GCN1: variants seen among roughly 807,000 people sequenced by gnomAD.
The protein encoded by GCN1 is stalled ribosome sensor GCN1.
A neutral mutation model predicts 288.4 loss-of-function variants in GCN1; 90 were observed. That is an observed-to-expected ratio of 0.31 (90% confidence interval 0.26 to 0.37). The LOEUF (loss-of-function observed/expected upper bound fraction) is 0.37. GCN1 is among the 10% of genes least tolerant of loss of function. GCN1 has a pLI of 1.00. For missense variants in GCN1, 2,586 were observed against 3,419.9 expected (o/e 0.76, Z 6.08); for synonymous variants, 1,386 against 1,420.2 (o/e 0.98, Z 0.54).
At position 120,171,648 on chromosome 12, in the gene GCN1, G is replaced by A. The variant is rs181192194; in HGVS notation, c.1367-1327C>T. Among the ~76,000 whole-genome samples, 87 of 152,132 alleles carry A rather than the reference G, an allele frequency of 5.7e-4. 1 individual carries two copies. The South Asian group carries it at 0.017, about 29-fold the overall frequency. The stretch of plus-strand genomic sequence containing the variant: ...ATCTTTATTACAGAGGTTTATTTTC[G>A]TTTTGTTTTTAAAAGGTTTATTTTA... On this transcript the variant is annotated intron_variant, in intron 14 of 57. Coordinates refer to ENST00000300648, the MANE Select transcript of GCN1 (RefSeq NM_006836.2).
intron 51 of GCN1, among the ~76,000 whole-genome samples, chr12:120,136,053 A>C (rs534929428): frequency 5.2e-4 from 79 of 152,256 alleles, no homozygotes; most frequent in Non-Finnish European, 8.8e-4. Context: ...ACAAAAAAAA[A>C]CAAAAACTGC....
At position 120,158,733 on chromosome 12, in the gene GCN1, C is replaced by CAGCACCAAATCCAAGA; in HGVS notation, c.2750-119_2750-118insTCTTGGATTTGGTGCT. ...CTGACTTAAAAAAATATTTCTGCGGCTGGGCGCGGTGGCTGATGCCTGTAA... is the reference window on the plus strand; with the variant it reads ...CTGACTTAAAAAAATATTTCTGCGGCAGCACCAAATCCAAGATGGGCGCGGTGGCTGATGCCTGTAA... On this transcript the variant is annotated intron_variant, in intron 24 of 57. Transcript: ENST00000300648. The surrounding 1 kb of genome is among the most constrained non-coding windows in gnomAD (Gnocchi z 4.3). 1 of 908,570 alleles carries CAGCACCAAATCCAAGA rather than the reference C, an allele frequency of 1.1e-6. No individual in the cohort carries two copies. Among genetic ancestry groups the CAGCACCAAATCCAAGA allele is most frequent in the Non-Finnish European group, 1.6e-6 (1 of 611,322 alleles). The allele number at this position is 908,570 out of a possible 1,614,324, so 56.3% of individuals were successfully genotyped here. A position where few individuals can be genotyped will look rare whatever the true frequency, so the allele number is the denominator to read the frequency against.
chr12:120,143,574 T>C (rs1877265343), intron 42 of GCN1, among the ~76,000 whole-genome samples: 1 of 139,916 alleles, frequency 7.1e-6, no homozygotes, highest in African/African-American at 2.7e-5. Flanking sequence ...AGAGCGAGAC[T>C]CCGTCTCAAA....
intron 5 of GCN1, among the ~76,000 whole-genome samples, chr12:120,180,398 C>G (rs1448366201): frequency 6.6e-6 from 1 of 151,828 alleles, no homozygotes; most frequent in Non-Finnish European, 1.5e-5. Context: ...AGGCGGATCA[C>G]AAGGTCAAGA....
intron 22 of GCN1, among the ~76,000 whole-genome samples, chr12:120,160,602 C>T (rs1215583627): frequency 1.3e-5 from 2 of 152,222 alleles, no homozygotes; most frequent in Non-Finnish European, 2.9e-5. Flanking sequence ...TCCTCCTCTC[C>T]AACCCCTTCC....
At chr12:120,182,646 T>G (rs1371872342) in intron 5 of GCN1, among the ~76,000 whole-genome samples, 1 of 152,102 alleles carries the variant, frequency 6.6e-6, no homozygotes, top group African/African-American at 2.4e-5. Context: ...TGGACAAGAA[T>G]CAGATCCAAG....
Position 120,158,014 on chromosome 12 carries a change from G to A in GCN1, c.2922C>T (p.Ser974=), listed in dbSNP as rs376436436. 4.4e-5 allele frequency: 71 copies of A among 1,613,760 alleles called. No individual in the cohort carries two copies. Among genetic ancestry groups the A allele is most frequent in the Non-Finnish European group, 5.2e-5 (61 of 1,180,034 alleles). Residue 974 remains serine, a synonymous_variant, in exon 26 of 58, where the codon TCC becomes TCT. Coordinates refer to ENST00000300648, the MANE Select transcript of GCN1 (RefSeq NM_006836.2). This position sits in a 1 kb window ranked among gnomAD's most constrained non-coding sequence, Gnocchi z 4.3. The part of the protein sequence containing the change: ...GKGEPGAAPL[S]APAFSLVFPF... ...GGAAGACTAAGGAGAAGGCTGGCGC[G>A]GACAAGGGCGCAGCACCTGTGAGAG...
At chr12:120,175,002 C>G (rs914795659) in intron 12 of GCN1, among the ~76,000 whole-genome samples, 160 bp downstream of exon 12, 1 of 150,916 alleles carries the variant, frequency 6.6e-6, no homozygotes, top group Non-Finnish European at 1.5e-5. Flanking sequence ...TGGTGTGCAC[C>G]AGTAATCCCA....
Position 120,173,669 on chromosome 12 carries a change from C to G in GCN1, c.1350G>C (p.Met450Ile), listed in dbSNP as rs182969538. ...TTGTCTTACCCCGGTAAGAGGCCAA[C>G]ATGCACTGCAGGTAGGCATGCCTCA... ...SAVRHAYLQCMLASYRGDTLL... is the reference protein window; with the variant it reads ...SAVRHAYLQCILASYRGDTLL... The change falls in exon 14 of 58, where the codon ATG (methionine) becomes ATC (isoleucine). Residue 450 changes from methionine to isoleucine, a missense_variant. Around this residue, in one of 8 missense-constraint regions of GCN1, gnomAD observed 913 missense variants for 1,107.0 expected, o/e 0.82. Coordinates refer to ENST00000300648, the MANE Select transcript of GCN1 (RefSeq NM_006836.2). The G allele has an allele frequency of 1.7e-4, 266 of 1,610,010 alleles. 1 individual carries two copies. In the African/African-American group the frequency reaches 3.2e-3, roughly 20 times the overall value.
intron 54 of GCN1, 39 bp downstream of exon 54, chr12:120,131,887 G>A (rs1197704649): frequency 1.5e-6 from 2 of 1,318,094 alleles, no homozygotes; most frequent in East Asian, 4.8e-5. Flanking sequence ...AGGGCTGAGA[G>A]GCCCAGGTCC....
chr12:120,130,273 C>T (rs1183958143), intron 56 of GCN1, among the ~76,000 whole-genome samples: 4 of 152,152 alleles, frequency 2.6e-5, no homozygotes, highest in Non-Finnish European at 5.9e-5. Context: ...AGCACAGTAA[C>T]CACACCAAGA....
At chr12:120,163,418 C>T (rs1877994882) in intron 18 of GCN1, among the ~76,000 whole-genome samples, 159 bp from the exon 19 acceptor site, 1 of 152,242 alleles carries the variant, frequency 6.6e-6, no homozygotes, top group Admixed American at 6.5e-5. Context: ...ATGGGACCCA[C>T]AGGCTGTGAG....
intron 24 of GCN1, among the ~76,000 whole-genome samples, chr12:120,159,278 T>C (rs1877853184): frequency 6.6e-6 from 1 of 152,126 alleles, no homozygotes; most frequent in Non-Finnish European, 1.5e-5. Flanking sequence ...CCAGCTGACT[T>C]TTCCACTCAG....
At chr12:120,171,010 GC>G (rs1878297216) in intron 14 of GCN1, among the ~76,000 whole-genome samples, 1 of 151,700 alleles carries the variant, frequency 6.6e-6, no homozygotes. Flanking sequence ...GTGGGGTGGT[GC>G]ACGCCTGTAA....
At chr12:120,166,229 C>T (rs1172803699) in intron 16 of GCN1, among the ~76,000 whole-genome samples, 1 of 151,452 alleles carries the variant, frequency 6.6e-6, no homozygotes, top group African/African-American at 2.4e-5. Flanking sequence ...ATAGTAAAAC[C>T]CCGTCTGTAC....
Position 120,162,998 on chromosome 12 carries a change from C to T in GCN1, c.2039-27G>A, listed in dbSNP as rs968376356. ...TGAAGGGGAAGGGAGCTCTTTGAGG[C>T]CTTCTGCCTGGCCTGCTCTTACCCC... On this transcript the variant is annotated intron_variant, in intron 19 of 57. Coordinates refer to ENST00000300648, the MANE Select transcript of GCN1 (RefSeq NM_006836.2). 1.9e-6 allele frequency: 3 copies of T among 1,613,980 alleles called. No homozygotes were observed. In the Admixed American group the frequency reaches 5.0e-5, roughly 27 times the overall value.
Position 120,158,024 on chromosome 12 carries a change from G to A in GCN1, c.2912C>T (p.Ala971Val), listed in dbSNP as rs200321706. Residue 971 changes from alanine (A) to valine (V), a missense_variant, in exon 26 of 58, where the codon GCG becomes GTG. By Grantham distance (64) the Ala-to-Val change is moderately conservative. Coordinates refer to ENST00000300648, the MANE Select transcript of GCN1 (RefSeq NM_006836.2). The surrounding 1 kb of genome is among the most constrained non-coding windows in gnomAD (Gnocchi z 4.3). ...GGAGAAGGCTGGCGCGGACAAGGGCGCAGCACCTGTGAGAGCGAGAAGCAG... is the reference window on the plus strand; with the variant it reads ...GGAGAAGGCTGGCGCGGACAAGGGCACAGCACCTGTGAGAGCGAGAAGCAG... ...SRVGKGEPGA[A>V]PLSAPAFSLV... 1.6e-5 allele frequency: 26 copies of A among 1,613,630 alleles called. No individual in the cohort carries two copies. The highest frequency in any genetic ancestry group is 4.5e-5 in the East Asian group (2 of 44,896).
At chr12:120,171,628 T>C (rs1198075078) in intron 14 of GCN1, among the ~76,000 whole-genome samples, 1 of 152,238 alleles carries the variant, frequency 6.6e-6, no homozygotes, top group East Asian at 1.9e-4. Flanking sequence ...AAGAAATCTT[T>C]ATTACAGAGG....
At position 120,144,949 on chromosome 12, in the gene GCN1, G is replaced by C; in HGVS notation, c.5129C>G (p.Ser1710Cys). 1.9e-6 allele frequency: 3 copies of C among 1,614,212 alleles called. No homozygotes were observed. Among genetic ancestry groups the C allele is most frequent in the Non-Finnish European group, 2.5e-6 (3 of 1,180,040 alleles). Reference sequence around the variant, plus strand: ...CTGTGCAGCGCCTGAGCGATCCACAGAGCTCTGCTCATAGGTCAGTGTCTC... The same window carrying C: ...CTGTGCAGCGCCTGAGCGATCCACACAGCTCTGCTCATAGGTCAGTGTCTC... The part of the protein sequence containing the change: ...LMETLTYEQS[S>C]VDRSGAAQGL... The change falls in exon 40 of 58, where the codon TCT (serine) becomes TGT (cysteine). Residue 1710 changes from serine (S) to cysteine (C), a missense_variant. By Grantham distance (112) the Ser-to-Cys change is moderately radical. Around this residue, in one of 8 missense-constraint regions of GCN1, gnomAD observed 371 missense variants for 572.6 expected, o/e 0.65. Coordinates refer to ENST00000300648, the MANE Select transcript of GCN1 (RefSeq NM_006836.2). The surrounding 1 kb of genome is among the most constrained non-coding windows in gnomAD (Gnocchi z 4.7).
Sources: allele counts gnomAD v4.1 joint callset (sites outside exome capture counted in the v4.1 genomes callset), GRCh38; gene constraint gnomAD v4.1.1; regional missense constraint gnomAD v4.1.1; non-coding constraint Gnocchi (gnomAD v3.1); transcripts MANE v1.5; gene names NCBI Gene and HGNC (gene_info 2026-07-23, HGNC 2026-07-21).